ATP8B1: variants seen among roughly 807,000 people sequenced by gnomAD.
ATP8B1 encodes the protein ATPase phospholipid transporting 8B1, also known as phospholipid-transporting ATPase IC.
ATP8B1 carries 80 observed loss-of-function variants against 149.9 expected under a neutral mutation model. The observed-to-expected ratio is 0.53, with a 90% CI of 0.45 to 0.64. ATP8B1 has a LOEUF of 0.64. ATP8B1 is among the 30% of genes least tolerant of loss of function. The pLI is 0.00. For missense variants in ATP8B1, 1,247 were observed against 1,552.6 expected, an observed-to-expected ratio of 0.80 and a Z score of 3.31; for synonymous variants, 536 against 562.8, an observed-to-expected ratio of 0.95 and a Z score of 0.67.
intron 1 of ATP8B1, among the ~76,000 whole-genome samples, chr18:57,753,343 T>C (rs998402137): frequency 6.6e-6 from 1 of 152,266 alleles, no homozygotes; most frequent in African/African-American, 2.4e-5. Context: ...GACAGATCTA[T>C]AGATAAAAAC....
chr18:57,672,974 TAC>T (rs1298126173), intron 16 of ATP8B1, among the ~76,000 whole-genome samples: 3 of 39,754 alleles, frequency 7.5e-5, no homozygotes, highest in African/African-American at 2.7e-4. Flanking sequence ...TCTACATATA[TAC>T]ACACATATAT....
chr18:57,668,715 G>A lies in ATP8B1; in HGVS notation c.2098-175C>T, dbSNP rs12717119. ...AAGGCTGCCATGTTTCACAATTACT[G>A]CAAACCAACACACCTAAAAACTTTT... On this transcript the variant is annotated intron_variant, in intron 18 of 27. Coordinates refer to ENST00000648908, the MANE Select transcript of ATP8B1 (RefSeq NM_001374385.1). The A allele has an allele frequency of 0.12, 67,548 of 571,076 alleles. 4,557 individuals carry two copies. The highest frequency in any genetic ancestry group is 0.14 in the African/African-American group (7,511 of 53,046). 35.4% of individuals were successfully genotyped at this position (571,076 alleles called of 1,614,324 possible).
intron 2 of ATP8B1, among the ~76,000 whole-genome samples, chr18:57,716,045 C>A (rs1440671133): frequency 1.3e-5 from 2 of 151,864 alleles, no homozygotes; most frequent in Non-Finnish European, 2.9e-5. Flanking sequence ...AGACATAGTA[C>A]AATAAGATAT....
rs956440325 is a variant in ATP8B1 at position 57,648,902 on chromosome 18, CT to C, written c.3532-191del. 1.9e-4 allele frequency among the ~76,000 whole-genome samples: 10 copies of C among 53,718 alleles called. No individual in the cohort carries two copies. In the East Asian group the frequency reaches 2.3e-3, roughly 12 times the overall value. The allele number at this position is 53,718 out of a possible 152,430, so 35.2% of individuals were successfully genotyped here. ...TGTGTGTGTGTATGTGTGTCTATAT[CT>C]TTTTTTTTGTTTTTGAGACAGTCTC... On this transcript the variant is annotated intron_variant, in intron 27 of 27. Transcript: ENST00000648908.
intron 1 of ATP8B1, among the ~76,000 whole-genome samples, chr18:57,760,477 T>C (rs1025476694): frequency 6.6e-6 from 1 of 152,114 alleles, no homozygotes; most frequent in Non-Finnish European, 1.5e-5. Context: ...TCTTTGCTCT[T>C]CCACCTTCCC....
chr18:57,659,558 C>T (rs145937205), intron 22 of ATP8B1, among the ~76,000 whole-genome samples: 24 of 150,166 alleles, frequency 1.6e-4, no homozygotes, highest in Non-Finnish European at 2.8e-4. Context: ...GTTAAAGGTA[C>T]GTAATGGAAA....
At chr18:57,783,252 G>A (rs531648688) in intron 1 of ATP8B1, among the ~76,000 whole-genome samples, 37 of 152,272 alleles carry the variant, frequency 2.4e-4, no homozygotes, top group African/African-American at 7.9e-4. Flanking sequence ...AAAGATTACA[G>A]GGGAAAGAGG....
chr18:57,765,193 C>T (rs1409262919), intron 1 of ATP8B1, among the ~76,000 whole-genome samples: 1 of 152,148 alleles, frequency 6.6e-6, no homozygotes, highest in Non-Finnish European at 1.5e-5. Context: ...ATTTCACTTA[C>T]ATTAGGAATG....
intron 1 of ATP8B1, among the ~76,000 whole-genome samples, chr18:57,764,331 CTTTCTTTCTT>C (rs2080187274): frequency 1.9e-5 from 1 of 51,954 alleles, no homozygotes; most frequent in Admixed American, 1.5e-4. Context: ...CTTTTTCTTT[CTTTCTTTCTT>C]TTTCTTTCTT....
intron 1 of ATP8B1, among the ~76,000 whole-genome samples, chr18:57,777,304 TGGAATCCAATGCA>T (rs761160866): frequency 2.6e-5 from 4 of 152,180 alleles, no homozygotes; most frequent in East Asian, 1.9e-4. Flanking sequence ...TATTGAAAGC[TGGAATCCAATGCA>T]GGAATCCAAT....
At position 57,784,305 on chromosome 18, in the gene ATP8B1, G is replaced by T. The variant is rs2080386338; in HGVS notation, c.-26+18693C>A. 6.6e-6 allele frequency among the ~76,000 whole-genome samples: 1 copy of T among 152,206 alleles called. No homozygotes were observed. Among genetic ancestry groups the T allele is most frequent in the African/African-American group, 2.4e-5 (1 of 41,458 alleles). ...TGTTAAAACCACAGCATGAGCTACT[G>T]CAAGGGTTGGCAGGATCTGAGTGGG... On this transcript the variant is annotated intron_variant, in intron 1 of 27. Coordinates refer to ENST00000648908, the MANE Select transcript of ATP8B1 (RefSeq NM_001374385.1). This position sits in a 1 kb window ranked among gnomAD's most constrained non-coding sequence, Gnocchi z 4.4.
At chr18:57,746,848 G>T (rs183091333) in intron 1 of ATP8B1, among the ~76,000 whole-genome samples, 2 of 152,300 alleles carry the variant, frequency 1.3e-5, no homozygotes. Flanking sequence ...TAGCATGGAA[G>T]TGGGTTCATG....
chr18:57,668,263 A>G lies in ATP8B1; in HGVS notation c.2209+166T>C, dbSNP rs317844. 1,353,217 of 1,355,058 alleles carry G rather than the reference A, an allele frequency of 1. 675,720 individuals are homozygous for G. The highest frequency in any genetic ancestry group is 1 in the East Asian group (38,890 of 38,890). 83.9% of individuals were successfully genotyped at this position (1,355,058 alleles called of 1,614,324 possible). On this transcript the variant is annotated intron_variant, in intron 19 of 27. Coordinates refer to ENST00000648908, the MANE Select transcript of ATP8B1 (RefSeq NM_001374385.1). ...GGGGGATCAGGAAAGGATGCAGAAG[A>G]ATGTGCTGGAAAAACAGAGGAGGGT...
chr18:57,672,928 A>ATG (rs1568189403), intron 16 of ATP8B1, among the ~76,000 whole-genome samples: 10 of 42,150 alleles, frequency 2.4e-4, no homozygotes, highest in East Asian at 1.5e-3. Context: ...ATATATATAT[A>ATG]TATAACATGT....
intron 1 of ATP8B1, among the ~76,000 whole-genome samples, chr18:57,751,919 G>T (rs911469972): frequency 6.6e-6 from 1 of 152,048 alleles, no homozygotes; most frequent in Non-Finnish European, 1.5e-5. Flanking sequence ...AAATCCAAAG[G>T]TGCAGGCAAG....
At position 57,708,494 on chromosome 18, in the gene ATP8B1, C is replaced by T. The variant is rs538973592; in HGVS notation, c.182-1907G>A. ...TAGATAAGACCTTACATAAGGTACT[C>T]TTGAATCCATTCTATTTGGTGGTAA... is the stretch of plus-strand genomic sequence containing the variant. On this transcript the variant is annotated intron_variant, in intron 2 of 27. Transcript: ENST00000648908. 25 of 152,330 alleles carry T rather than the reference C, an allele frequency of 1.6e-4. No individual in the cohort carries two copies. In the East Asian group the frequency reaches 4.6e-3, roughly 28 times the overall value. 9.4% of individuals were successfully genotyped at this position (152,330 alleles called of 1,614,324 possible).
intron 6 of ATP8B1, among the ~76,000 whole-genome samples, chr18:57,698,150 A>AC (rs147894037): frequency 6.6e-6 from 1 of 151,618 alleles, no homozygotes; most frequent in South Asian, 2.1e-4. Flanking sequence ...AATACTTGCC[A>AC]CCCCCTTTTG....
intron 1 of ATP8B1, among the ~76,000 whole-genome samples, chr18:57,781,111 G>A (rs2080352209): frequency 6.6e-6 from 1 of 152,220 alleles, no homozygotes; most frequent in East Asian, 1.9e-4. Context: ...ACCAAAAAAG[G>A]AAGCATTAAA....
intron 19 of ATP8B1, chr18:57,668,207 A>G: frequency 6.9e-7 from 1 of 1,447,230 alleles, no homozygotes; most frequent in Non-Finnish European, 9.1e-7. Context: ...CATGGCCAGG[A>G]GCTAAATTAT....
Sources: allele counts gnomAD v4.1 joint callset (sites outside exome capture counted in the v4.1 genomes callset), GRCh38; gene constraint gnomAD v4.1.1; non-coding constraint Gnocchi (gnomAD v3.1); transcripts MANE v1.5; gene names NCBI Gene and HGNC (gene_info 2026-07-23, HGNC 2026-07-21).